VANGL1: variants seen among roughly 807,000 people sequenced by gnomAD.
VANGL1 encodes VANGL planar cell polarity protein 1.
A neutral mutation model predicts 48.4 loss-of-function variants in VANGL1; 18 were observed. The observed-to-expected ratio is 0.37, with a 90% confidence interval of 0.26 to 0.55. The LOEUF is 0.55. VANGL1 is among the 20% of genes least tolerant of loss of function. VANGL1 has a pLI of 0.81. For missense variants in VANGL1, 667 were observed against 675.8 expected (o/e 0.99, Z 0.14); for synonymous variants, 257 against 261.8 (o/e 0.98, Z 0.18).
chr1:115,659,562 A>C, intron 2 of VANGL1, 79 bp from the exon 3 acceptor site: 1 of 1,597,342 alleles, frequency 6.3e-7, no homozygotes, highest in Admixed American at 1.7e-5. Flanking sequence ...CCCTAAATTC[A>C]AAATGATACT....
At position 115,684,097 on chromosome 1, in the gene VANGL1, C is replaced by T. The variant is rs111249608; in HGVS notation, c.1079+21C>T. 2.3e-3 allele frequency: 3,686 copies of T among 1,611,520 alleles called. 67 individuals carry two copies. In the African/African-American group the frequency reaches 0.04, roughly 17 times the overall value. ...GCAAGGTATACTGCCCTCCTGATGC[C>T]AGTACCCTCTTACAGACTTTTAAAT... On this transcript the variant is annotated intron_variant, in intron 6 of 7. Transcript: ENST00000355485.
chr1:115,681,486 G>C (rs1055091579), intron 4 of VANGL1, among the ~76,000 whole-genome samples: 1 of 146,218 alleles, frequency 6.8e-6, no homozygotes, highest in Non-Finnish European at 1.5e-5. Flanking sequence ...CTCAGCGGAG[G>C]CTCTCTTTTT....
At chr1:115,665,644 C>T (rs1407772847) in intron 4 of VANGL1, among the ~76,000 whole-genome samples, 1 of 152,170 alleles carries the variant, frequency 6.6e-6, no homozygotes, top group East Asian at 1.9e-4. Flanking sequence ...TTGCTGCCAC[C>T]CTAACTGATC....
rs1652648636 is a variant in VANGL1, at chr1:115,663,563, G to A, written c.205-98G>A. 2.6e-6 allele frequency: 4 copies of A among 1,545,040 alleles called. No individual in the cohort carries two copies. The Admixed American group carries it at 5.2e-5, about 20-fold the overall frequency. On this transcript the variant is annotated intron_variant, in intron 3 of 7. Coordinates refer to ENST00000355485, the MANE Select transcript of VANGL1 (RefSeq NM_138959.3). The stretch of plus-strand genomic sequence containing the variant: ...CATTTTCTGGAAGCCTTTGTGAATA[G>A]GGCTGGGTAGATGCAGCGGGCCCTG...
intron 4 of VANGL1, among the ~76,000 whole-genome samples, chr1:115,670,274 C>G (rs754227291): frequency 2.6e-5 from 4 of 152,196 alleles, no homozygotes; most frequent in Admixed American, 6.5e-5. Context: ...TTTAAGCTAC[C>G]TAGGCTGTAG....
At chr1:115,660,721 A>G (rs1456493364) in intron 3 of VANGL1, among the ~76,000 whole-genome samples, 2 of 152,352 alleles carry the variant, frequency 1.3e-5, no homozygotes, top group South Asian at 4.1e-4. Context: ...ATAAGCATAC[A>G]TCTGTACATA....
intron 6 of VANGL1, among the ~76,000 whole-genome samples, chr1:115,684,617 G>A (rs960049555): frequency 6.6e-6 from 1 of 152,224 alleles, no homozygotes; most frequent in Non-Finnish European, 1.5e-5. Context: ...GGCCCTGCTT[G>A]CAGAGACCCT....
chr1:115,665,338 A>G (rs919777012), intron 4 of VANGL1, among the ~76,000 whole-genome samples: 2 of 152,190 alleles, frequency 1.3e-5, no homozygotes, highest in African/African-American at 4.8e-5. Flanking sequence ...CTGCCTCCTT[A>G]GGCAGTATAT....
At chr1:115,651,238 C>G (rs1480811311) in intron 1 of VANGL1, 39 bp from the exon 2 acceptor site, 2 of 621,746 alleles carry the variant, frequency 3.2e-6, no homozygotes, top group Non-Finnish European at 5.7e-6. Context: ...AAGGTTGGCT[C>G]TGAAGATTAA....
chr1:115,659,619 C>T, intron 2 of VANGL1, 22 bp from the exon 3 acceptor site: 1 of 1,613,244 alleles, frequency 6.2e-7, no homozygotes, highest in South Asian at 1.1e-5. Context: ...CATAAATGTG[C>T]TAGCTCATTG....
intron 7 of VANGL1, among the ~76,000 whole-genome samples, chr1:115,690,731 G>C (rs1483087601): frequency 6.6e-6 from 1 of 152,216 alleles, no homozygotes; most frequent in African/African-American, 2.4e-5. Context: ...CCCTGGCCCT[G>C]AGAAACTTTT....
intron 3 of VANGL1, among the ~76,000 whole-genome samples, chr1:115,660,247 G>C (rs1652496612): frequency 6.6e-6 from 1 of 152,132 alleles, no homozygotes; most frequent in South Asian, 2.1e-4. Flanking sequence ...GAAAAGAGGG[G>C]GCAAAAATAT....
chr1:115,659,757 G>C lies in VANGL1; in HGVS notation c.188G>C (p.Arg63Pro), dbSNP rs762788816. Residue 63 changes from arginine to proline, a missense_variant, in exon 3 of 8, where the codon CGG (arginine) becomes CCG (proline). Coordinates refer to ENST00000355485, the MANE Select transcript of VANGL1 (RefSeq NM_138959.3). ...GEPLLGNDST[R>P]TEEVQDDNWG... ...CCCCTGTTGGGAAATGATTCTACTC[G>C]GACAGAGGAAGTTCAGGTAAGGATC... 6.2e-7 allele frequency: 1 copy of C among 1,614,104 alleles called. No homozygotes were observed. The highest frequency in any genetic ancestry group is 8.5e-7 in the Non-Finnish European group (1 of 1,180,024).
chr1:115,675,111 G>GGT (rs1437896408), intron 4 of VANGL1, among the ~76,000 whole-genome samples: 2 of 152,158 alleles, frequency 1.3e-5, no homozygotes, highest in Non-Finnish European at 2.9e-5. Context: ...CAAGGCATTG[G>GGT]GTGAACCAGT....
intron 7 of VANGL1, among the ~76,000 whole-genome samples, chr1:115,686,784 TGG>T (rs1407322336): frequency 4.6e-5 from 7 of 152,238 alleles, no homozygotes; most frequent in South Asian, 4.1e-4. Context: ...CAATTTAGTC[TGG>T]CCTCTTCATA....
intron 4 of VANGL1, among the ~76,000 whole-genome samples, chr1:115,673,012 C>CA (rs1321069169): frequency 6.6e-6 from 1 of 152,220 alleles, no homozygotes; most frequent in Non-Finnish European, 1.5e-5. Context: ...TCAGCTATTG[C>CA]ACCCTAGCTG....
At chr1:115,653,945 A>G (rs1458690655) in intron 2 of VANGL1, among the ~76,000 whole-genome samples, 6 of 152,116 alleles carry the variant, frequency 3.9e-5, no homozygotes, top group Non-Finnish European at 8.8e-5. Flanking sequence ...GGATTCTCCA[A>G]CTGACTGCAG....
rs541229703 is a variant in VANGL1 at position 115,647,036 on chromosome 1, C to T, written c.-137-4241C>T. The stretch of plus-strand genomic sequence containing the variant: ...GAGAAGGAGGAGGGAGCTAGAGCGT[C>T]GGGCAGGACATTGCATACCAAATGA... On this transcript the variant is annotated intron_variant, in intron 1 of 7. Transcript: ENST00000355485. Among the ~76,000 whole-genome samples, 17 of 152,330 alleles carry T rather than the reference C, an allele frequency of 1.1e-4. No individual in the cohort carries two copies. In the East Asian group the frequency reaches 2.1e-3, roughly 19 times the overall value.
Position 115,687,052 on chromosome 1 carries a change from C to A in VANGL1, c.1314+1525C>A, listed in dbSNP as rs1274608517. ...TTTATATGTTGCACTATATGTGTAT[C>A]CTGCTGGTTACATTGTCAACCAATA... On this transcript the variant is annotated intron_variant, in intron 7 of 7. Coordinates refer to ENST00000355485, the MANE Select transcript of VANGL1 (RefSeq NM_138959.3). Among the ~76,000 whole-genome samples, 2 of 138,160 alleles carry A rather than the reference C, an allele frequency of 1.4e-5. 1 individual carries two copies. Among genetic ancestry groups the A allele is most frequent in the African/African-American group, 5.4e-5 (2 of 36,698 alleles). 90.6% of individuals were successfully genotyped at this position (138,160 alleles called of 152,430 possible).
Sources: allele counts gnomAD v4.1 joint callset (sites outside exome capture counted in the v4.1 genomes callset), GRCh38; gene constraint gnomAD v4.1.1; transcripts MANE v1.5; gene names NCBI Gene and HGNC (gene_info 2026-07-23, HGNC 2026-07-21).